Variants in PTPRD observed in about 807,000 individuals in gnomAD.
PTPRD encodes receptor-type tyrosine-protein phosphatase delta.
A neutral mutation model predicts 214.5 loss-of-function variants in PTPRD; 34 were observed. The ratio of observed to expected loss-of-function variants is 0.16; its 90% CI spans 0.12 to 0.21. The LOEUF is 0.21. PTPRD is among the 10% of genes least tolerant of loss of function. The probability of loss-of-function intolerance (pLI) is 1.00; values close to 1 mark genes in which losing one functional copy is unlikely to be tolerated. For synonymous variants in PTPRD, 1,128 were observed against 845.7 expected (o/e 1.33, Z -5.79); for missense variants, 2,545 against 2,398.7 (o/e 1.06, Z -1.27).
chr9:9,986,467 A>C (rs1205399420), intron 4 of PTPRD, among the ~76,000 whole-genome samples: 1 of 152,150 alleles, frequency 6.6e-6, no homozygotes, highest in Non-Finnish European at 1.5e-5. Flanking sequence ...TATAATTATA[A>C]AGTAATATCA....
At chr9:10,104,668 G>T (rs953512882) in intron 3 of PTPRD, among the ~76,000 whole-genome samples, 1 of 151,640 alleles carries the variant, frequency 6.6e-6, no homozygotes, top group African/African-American at 2.4e-5. Flanking sequence ...ATATTAAAAC[G>T]CCAGTACTTA....
chr9:10,179,791 G>A (rs541966234), intron 3 of PTPRD, among the ~76,000 whole-genome samples: 12 of 152,018 alleles, frequency 7.9e-5, no homozygotes, highest in Non-Finnish European at 8.8e-5. Flanking sequence ...AGCCAGTCTG[G>A]CTAAACAGCC....
chr9:9,277,960 G>C (rs560163104), intron 9 of PTPRD, among the ~76,000 whole-genome samples: 23 of 151,392 alleles, frequency 1.5e-4, no homozygotes, highest in Non-Finnish European at 3.3e-4. Flanking sequence ...GATAATTTTA[G>C]GACAACCAGG....
intron 5 of PTPRD, among the ~76,000 whole-genome samples, chr9:9,829,820 A>G (rs938870974): frequency 6.6e-6 from 1 of 151,826 alleles, no homozygotes; most frequent in Non-Finnish European, 1.5e-5. Context: ...TACTTTTAAG[A>G]GATCCATTGT....
At chr9:10,265,032 G>A (rs2093962305) in intron 3 of PTPRD, among the ~76,000 whole-genome samples, 1 of 152,062 alleles carries the variant, frequency 6.6e-6, no homozygotes, top group South Asian at 2.1e-4. Context: ...TGACTGTGAG[G>A]CCTTCCCAGT....
At chr9:9,814,380 T>C (rs1274824912) in intron 5 of PTPRD, among the ~76,000 whole-genome samples, 1 of 150,742 alleles carries the variant, frequency 6.6e-6, no homozygotes, top group Non-Finnish European at 1.5e-5. Flanking sequence ...TCATTTTATA[T>C]AGATAAAACC....
chr9:9,032,292 G>A (rs750447176), intron 10 of PTPRD, among the ~76,000 whole-genome samples: 2 of 151,992 alleles, frequency 1.3e-5, no homozygotes, highest in Admixed American at 6.6e-5. Context: ...TCTCAAAACT[G>A]CAATTGCTTT....
intron 14 of PTPRD, among the ~76,000 whole-genome samples, chr9:8,534,131 T>C (rs2076349424): frequency 6.6e-6 from 1 of 152,064 alleles, no homozygotes; most frequent in Non-Finnish European, 1.5e-5. Flanking sequence ...GCTTTTAATT[T>C]ATCACGGTTG....
At chr9:10,080,173 G>A (rs144086875) in intron 3 of PTPRD, among the ~76,000 whole-genome samples, 1 of 152,076 alleles carries the variant, frequency 6.6e-6, no homozygotes, top group Non-Finnish European at 1.5e-5. Context: ...CAGCCTGACA[G>A]CATATCCTCT....
intron 3 of PTPRD, among the ~76,000 whole-genome samples, chr9:10,262,478 A>G (rs1398231908): frequency 6.6e-6 from 1 of 152,198 alleles, no homozygotes; most frequent in Non-Finnish European, 1.5e-5. Context: ...GAAGCCATGA[A>G]TAAAACTGAG....
intron 7 of PTPRD, among the ~76,000 whole-genome samples, chr9:9,666,142 A>T (rs1479711933): frequency 6.6e-6 from 1 of 151,856 alleles, no homozygotes; most frequent in African/African-American, 2.4e-5. Flanking sequence ...AATACAGATG[A>T]AGTATATATG....
chr9:9,939,218 C>G (rs537546882), intron 4 of PTPRD, among the ~76,000 whole-genome samples: 252 of 152,140 alleles, frequency 1.7e-3, no homozygotes, highest in African/African-American at 5.7e-3. Flanking sequence ...ATAGGCTTGA[C>G]GAAAACCATA....
chr9:10,360,420 C>T (rs1031785573), intron 2 of PTPRD, among the ~76,000 whole-genome samples: 2 of 152,206 alleles, frequency 1.3e-5, no homozygotes, highest in African/African-American at 2.4e-5. Context: ...CAGGGCATGT[C>T]ATTGTCTAGA....
At chr9:10,605,415 T>C (rs1343715764) in intron 2 of PTPRD, among the ~76,000 whole-genome samples, 1 of 151,910 alleles carries the variant, frequency 6.6e-6, no homozygotes, top group Non-Finnish European at 1.5e-5. Flanking sequence ...AATATTAGGA[T>C]AGTACGGCGT....
intron 2 of PTPRD, among the ~76,000 whole-genome samples, chr9:10,419,927 T>C (rs2098530321): frequency 6.6e-6 from 1 of 151,768 alleles, no homozygotes; most frequent in Non-Finnish European, 1.5e-5. Context: ...ACCCCCACAC[T>C]AGAAAGCTCA....
chr9:10,579,106 T>C (rs1300175465), intron 2 of PTPRD, among the ~76,000 whole-genome samples: 2 of 151,982 alleles, frequency 1.3e-5, no homozygotes, highest in African/African-American at 2.4e-5. Context: ...CTGATGTGTG[T>C]TGTTCCCCTC....
At chr9:9,964,997 A>G (rs573063883) in intron 4 of PTPRD, among the ~76,000 whole-genome samples, 2 of 152,310 alleles carry the variant, frequency 1.3e-5, no homozygotes, top group South Asian at 4.1e-4. Context: ...ACAAAAATTC[A>G]TAATTTTATT....
In PTPRD at chr9:8,524,946, G is replaced by C. The variant is rs567730036; in HGVS notation, c.658C>G (p.Pro220Ala). ...CTACCTCTGACATATAAATTGGCAG[G>C]AGCGGAATAGCGAGTGCCCGCGCTG... ...TNSAGTRYSA[P>A]ANLYVRELRE... Residue 220 changes from proline (P) to alanine (A), a missense_variant, in exon 18 of 46, where the codon CCT (proline) becomes GCT (alanine). Coordinates refer to ENST00000381196, the MANE Select transcript of PTPRD (RefSeq NM_002839.4). 1 of 1,613,598 alleles carries C rather than the reference G, an allele frequency of 6.2e-7. No individual in the cohort carries two copies. The highest frequency in any genetic ancestry group is 8.5e-7 in the Non-Finnish European group (1 of 1,179,666).
intron 14 of PTPRD, among the ~76,000 whole-genome samples, chr9:8,562,191 T>C (rs568557488): frequency 6.6e-6 from 1 of 152,124 alleles, no homozygotes; most frequent in Non-Finnish European, 1.5e-5. Context: ...CAATAAGCTA[T>C]AAGGTGGATA....
Sources: gnomAD v4.1 joint callset for allele counts (sites outside exome capture counted in the v4.1 genomes callset) on GRCh38, gnomAD v4.1.1 for gene constraint, MANE v1.5 for transcripts, NCBI Gene and HGNC (gene_info 2026-07-23, HGNC 2026-07-21) for gene names.